The following NKAIN3 variants were observed in gnomAD, a reference collection of about 807,000 sequenced individuals.
The protein encoded by NKAIN3 is sodium/potassium transporting ATPase interacting 3.
In NKAIN3, 25 loss-of-function variants were observed where a neutral mutation model predicts 30.2. The ratio of observed to expected loss-of-function variants is 0.83; its 90% CI spans 0.60 to 1.16. The LOEUF (loss-of-function observed/expected upper bound fraction) is 1.16. Among genes scored for constraint, NKAIN3 ranks in the 50% most tolerant of loss-of-function variants. The pLI, the probability that NKAIN3 is intolerant of heterozygous loss-of-function variation, is 0.00. For missense variants in NKAIN3, 225 were observed against 254.1 expected, an observed-to-expected ratio of 0.89 and a Z score of 0.78; for synonymous variants, 91 against 89.6, an observed-to-expected ratio of 1.02 and a Z score of -0.09.
At chr8:62,863,292 C>A in intron 4 of NKAIN3, 1 of 1,551,354 alleles carries the variant, frequency 6.4e-7, no homozygotes, top group Non-Finnish European at 8.7e-7. Context: ...GCTGTGGAGC[C>A]GTACTCACTG....
chr8:62,784,398 G>C (rs960618013), intron 4 of NKAIN3, among the ~76,000 whole-genome samples: 1 of 151,598 alleles, frequency 6.6e-6, no homozygotes, highest in African/African-American at 2.4e-5. Context: ...CTGACTAAGA[G>C]AAAAATGAAA....
rs1296047476 is a variant in NKAIN3, at chr8:62,497,931, G to T, written c.55-81608G>T. ...GCACCTACCTCTGAAGTGATTGAGTGGTTAGGGGAAAGGTGGCTAACCTTC... is the reference window on the plus strand; with the variant it reads ...GCACCTACCTCTGAAGTGATTGAGTTGTTAGGGGAAAGGTGGCTAACCTTC... On this transcript the variant is annotated intron_variant, in intron 1 of 6. Coordinates refer to ENST00000623646, the MANE Select transcript of NKAIN3 (RefSeq NM_001304533.3). Among the ~76,000 whole-genome samples the T allele has an allele frequency of 5.9e-5, 9 of 152,220 alleles. No individual in the cohort carries two copies. In the East Asian group the frequency reaches 1.7e-3, roughly 29 times the overall value.
chr8:62,870,706 T>TATCTCTATATCTAC (rs1820611067), intron 4 of NKAIN3, among the ~76,000 whole-genome samples: 6 of 140,564 alleles, frequency 4.3e-5, no homozygotes, highest in Admixed American at 4.2e-4. Context: ...TATATATCTA[T>TATCTCTATATCTAC]ATATCTATAT....
intron 4 of NKAIN3, among the ~76,000 whole-genome samples, chr8:62,899,109 G>A (rs1480728239): frequency 6.6e-6 from 1 of 152,144 alleles, no homozygotes; most frequent in Non-Finnish European, 1.5e-5. Flanking sequence ...TGGAGAAAAG[G>A]GAACCCTTGT....
chr8:62,574,623 C>T lies in NKAIN3; in HGVS notation c.55-4916C>T, dbSNP rs73255006. Among the ~76,000 whole-genome samples, 1,334 of 152,116 alleles carry T rather than the reference C, an allele frequency of 8.8e-3. 10 individuals carry two copies. Among genetic ancestry groups the T allele is most frequent in the African/African-American group, 0.03 (1,233 of 41,520 alleles). The stretch of plus-strand genomic sequence containing the variant: ...TAAAGAACCCAGAAATAAATTCAAA[C>T]CGTTCTCCATAGTGGTTGTAATGAT... On this transcript the variant is annotated intron_variant, in intron 1 of 6. Coordinates refer to ENST00000623646, the MANE Select transcript of NKAIN3 (RefSeq NM_001304533.3).
chr8:62,685,915 C>T (rs1259105587), intron 3 of NKAIN3, among the ~76,000 whole-genome samples: 1 of 152,200 alleles, frequency 6.6e-6, no homozygotes, highest in African/African-American at 2.4e-5. Context: ...AAGCTTTCCT[C>T]ATGAACTGAC....
rs547621086 is a variant in NKAIN3 at position 62,948,207 on chromosome 8, T to C, written c.533-5695T>C. ...GACTTGGTATTTCCTTTTTTTTTTTTCTTTTTTTGAGACAGAGTCTCTCAC... is the reference window on the plus strand; with the variant it reads ...GACTTGGTATTTCCTTTTTTTTTTTCCTTTTTTTGAGACAGAGTCTCTCAC... On this transcript the variant is annotated intron_variant, in intron 5 of 6. Coordinates refer to ENST00000623646, the MANE Select transcript of NKAIN3 (RefSeq NM_001304533.3). Among the ~76,000 whole-genome samples, 489 of 152,030 alleles carry C rather than the reference T, an allele frequency of 3.2e-3. 3 individuals carry two copies. The highest frequency in any genetic ancestry group is 0.011 in the African/African-American group (473 of 41,460).
intron 1 of NKAIN3, among the ~76,000 whole-genome samples, chr8:62,415,699 A>G (rs1398556192): frequency 1.3e-5 from 2 of 151,264 alleles, no homozygotes. Flanking sequence ...TATAGAAACT[A>G]CTTCTTCCTT....
intron 1 of NKAIN3, among the ~76,000 whole-genome samples, chr8:62,574,566 T>C (rs1355739266): frequency 6.6e-6 from 1 of 152,124 alleles, no homozygotes; most frequent in Non-Finnish European, 1.5e-5. Context: ...GGCACTGGCA[T>C]AAAAACAGAC....
At chr8:62,418,522 A>ATCTCCCCTTTCTACCACCCAGTCTAG (rs1314965128) in intron 1 of NKAIN3, among the ~76,000 whole-genome samples, 3 of 152,166 alleles carry the variant, frequency 2.0e-5, no homozygotes, top group African/African-American at 4.8e-5. Context: ...CTGGGGCTGC[A>ATCTCCCCTTTCTACCACCCAGTCTAG]ATTGATCTTT....
At chr8:62,758,592 A>G (rs1816535878) in intron 4 of NKAIN3, among the ~76,000 whole-genome samples, 1 of 152,202 alleles carries the variant, frequency 6.6e-6, no homozygotes, top group South Asian at 2.1e-4. Context: ...AAGACAGGGG[A>G]ATTTATATCC....
At chr8:62,805,068 A>T (rs958044721) in intron 4 of NKAIN3, among the ~76,000 whole-genome samples, 5 of 151,882 alleles carry the variant, frequency 3.3e-5, no homozygotes, top group African/African-American at 4.8e-5. Context: ...CAAAGAGAAT[A>T]AAATACCTAG....
At chr8:62,934,307 G>A (rs1397685065) in intron 5 of NKAIN3, among the ~76,000 whole-genome samples, 1 of 151,854 alleles carries the variant, frequency 6.6e-6, no homozygotes, top group African/African-American at 2.4e-5. Flanking sequence ...GGGCCTAGGA[G>A]ATTAAGGCTG....
Position 62,966,440 on chromosome 8 carries a change from TA to T in NKAIN3, c.*1037del. The stretch of plus-strand genomic sequence containing the variant: ...CACAGTTGTATTTTTTTAACTGGCA[TA>T]AAACTTACATATGGTAAAATGCACA... On this transcript the variant is annotated 3_prime_UTR_variant, in exon 7 of 7. Coordinates refer to ENST00000623646, the MANE Select transcript of NKAIN3 (RefSeq NM_001304533.3). 3.2e-6 allele frequency: 3 copies of T among 951,420 alleles called. No individual in the cohort carries two copies. The highest frequency in any genetic ancestry group is 3.8e-6 in the Non-Finnish European group (3 of 798,958). The allele number at this position is 951,420 out of a possible 1,614,324, so 58.9% of individuals were successfully genotyped here.
chr8:62,561,778 G>C (rs754817547), intron 1 of NKAIN3, among the ~76,000 whole-genome samples: 17 of 152,040 alleles, frequency 1.1e-4, no homozygotes, highest in Admixed American at 3.9e-4. Flanking sequence ...TATCAGAAAT[G>C]GAAATAGATT....
chr8:62,833,077 G>T (rs1190418288), intron 4 of NKAIN3, among the ~76,000 whole-genome samples: 8 of 151,964 alleles, frequency 5.3e-5, no homozygotes, highest in Non-Finnish European at 8.8e-5. Flanking sequence ...TAAACAACTT[G>T]CTCCCGAATA....
intron 4 of NKAIN3, among the ~76,000 whole-genome samples, chr8:62,787,150 A>C (rs920470784): frequency 6.6e-6 from 1 of 152,168 alleles, no homozygotes; most frequent in Non-Finnish European, 1.5e-5. Flanking sequence ...GCTTGAGGGA[A>C]ATAACTGATG....
intron 1 of NKAIN3, among the ~76,000 whole-genome samples, chr8:62,430,999 G>A (rs1253044526): frequency 6.6e-6 from 1 of 151,880 alleles, no homozygotes; most frequent in Non-Finnish European, 1.5e-5. Flanking sequence ...AGTTTACCAA[G>A]AAATGGCAAA....
chr8:62,579,847 T>C (rs1810237565), intron 2 of NKAIN3, among the ~76,000 whole-genome samples, 171 bp downstream of exon 2: 1 of 152,142 alleles, frequency 6.6e-6, no homozygotes, highest in South Asian at 2.1e-4. Flanking sequence ...TACAAAATAA[T>C]GAATGTTGTA....
Sources: allele counts gnomAD v4.1 joint callset (sites outside exome capture counted in the v4.1 genomes callset), GRCh38; gene constraint gnomAD v4.1.1; transcripts MANE v1.5; gene names NCBI Gene and HGNC (gene_info 2026-07-23, HGNC 2026-07-21).